The following UCHL3 variants were observed in gnomAD, a reference collection of about 807,000 sequenced individuals.
The protein encoded by UCHL3 is ubiquitin carboxyl-terminal hydrolase isozyme L3.
UCHL3 carries 22 observed loss-of-function variants against 35.8 expected under a neutral mutation model. The ratio of observed to expected loss-of-function variants is 0.61; its 90% CI spans 0.44 to 0.88. The LOEUF (loss-of-function observed/expected upper bound fraction) is 0.88. UCHL3 is among the 40% of genes least tolerant of loss of function. The pLI is 0.00. For synonymous variants in UCHL3, 90 were observed against 92.8 expected (o/e 0.97, Z 0.17); for missense variants, 229 against 276.9 (o/e 0.83, Z 1.23).
At chr13:75,563,610 A>C (rs894584353) in intron 3 of UCHL3, among the ~76,000 whole-genome samples, 6 of 152,212 alleles carry the variant, frequency 3.9e-5, no homozygotes, top group African/African-American at 1.4e-4. Flanking sequence ...TCACATAGTT[A>C]CTTTTTTTGT....
intron 6 of UCHL3, chr13:75,589,798 T>C (rs1172100798): frequency 4.6e-6 from 3 of 645,642 alleles, no homozygotes; most frequent in African/African-American, 3.8e-5. Context: ...TATTCATACA[T>C]GATCCTTTGC....
chr13:75,566,695 T>G lies in UCHL3; in HGVS notation c.184T>G (p.Tyr62Asp). The change falls in exon 4 of 9, where the codon TAT (tyrosine) becomes GAT (aspartate). Residue 62 changes from tyrosine to aspartate, a missense_variant and splice_region_variant. Tyr to Asp is a radical substitution (Grantham distance 160). Transcript: ENST00000377595. The part of the protein sequence containing the change: ...VLLLFPITEK[Y>D]EVFRTEEEEK... Reference sequence around the variant, plus strand: ...ACTGTTGACTTTTTTTTTTTAATAGTATGAAGTATTCAGAACAGAAGAGGA... The same window carrying G: ...ACTGTTGACTTTTTTTTTTTAATAGGATGAAGTATTCAGAACAGAAGAGGA... The G allele has an allele frequency of 3.3e-6, 5 of 1,513,030 alleles. No homozygotes were observed. Among genetic ancestry groups the G allele is most frequent in the Non-Finnish European group, 4.4e-6 (5 of 1,127,286 alleles). 93.7% of individuals were successfully genotyped at this position (1,513,030 alleles called of 1,614,324 possible).
chr13:75,592,419 T>TATATATATATAC (rs1207400047), intron 6 of UCHL3, among the ~76,000 whole-genome samples: 1 of 42,282 alleles, frequency 2.4e-5, no homozygotes, highest in African/African-American at 1.4e-4. Flanking sequence ...TTCCTTCATA[T>TATATATATATAC]ATATATATAT....
intron 8 of UCHL3, 38 bp from the exon 9 acceptor site, chr13:75,605,691 T>A (rs754011321): frequency 6.9e-6 from 11 of 1,591,526 alleles, no homozygotes; most frequent in Middle Eastern, 1.7e-4. Context: ...TAAAACACTT[T>A]TACACTGAAA....
At chr13:75,590,211 G>A (rs139171307) in intron 6 of UCHL3, 1 of 1,201,096 alleles carries the variant, frequency 8.3e-7, no homozygotes, top group African/African-American at 1.6e-5. Context: ...TCGGTCTTCA[G>A]AGTGCTTTTC....
At chr13:75,573,747 A>T (rs189003354) in intron 6 of UCHL3, among the ~76,000 whole-genome samples, 178 of 152,274 alleles carry the variant, frequency 1.2e-3, no homozygotes, top group Non-Finnish European at 1.9e-3. Flanking sequence ...CTTCAATGCC[A>T]AGTTTTCAAA....
intron 6 of UCHL3, among the ~76,000 whole-genome samples, chr13:75,586,942 CTA>C (rs1288701004): frequency 7.2e-6 from 1 of 139,284 alleles, no homozygotes; most frequent in Non-Finnish European, 1.5e-5. Context: ...TAGAGGGAAA[CTA>C]TAGTATTACA....
chr13:75,582,788 T>C (rs2032221723), intron 6 of UCHL3, among the ~76,000 whole-genome samples: 1 of 152,220 alleles, frequency 6.6e-6, no homozygotes, highest in African/African-American at 2.4e-5. Context: ...CAGTTAATAT[T>C]ATAAGGATTT....
chr13:75,569,188 A>T, intron 5 of UCHL3: 1 of 301,496 alleles, frequency 3.3e-6, no homozygotes, highest in Non-Finnish European at 6.0e-6. Flanking sequence ...CAACTGAATA[A>T]GTTAAATGGC....
chr13:75,571,188 G>GA (rs1430385580), intron 6 of UCHL3, among the ~76,000 whole-genome samples: 1 of 152,148 alleles, frequency 6.6e-6, no homozygotes, highest in African/African-American at 2.4e-5. Context: ...AAGATATGAA[G>GA]ACAGTTACTT....
At chr13:75,552,346 CTT>C (rs1280751995) in intron 2 of UCHL3, among the ~76,000 whole-genome samples, 1 of 152,222 alleles carries the variant, frequency 6.6e-6, no homozygotes, top group African/African-American at 2.4e-5. Flanking sequence ...ATCCCACTCT[CTT>C]TTATTTCCTC....
intron 6 of UCHL3, among the ~76,000 whole-genome samples, chr13:75,588,441 A>C (rs1004893596): frequency 1.3e-5 from 2 of 152,034 alleles, no homozygotes; most frequent in African/African-American, 2.4e-5. Flanking sequence ...ACCAGATTGA[A>C]TGTGACAAAT....
At chr13:75,593,873 T>C (rs1428724929) in intron 6 of UCHL3, among the ~76,000 whole-genome samples, 1 of 152,232 alleles carries the variant, frequency 6.6e-6, no homozygotes. Context: ...CTTGAAAATA[T>C]ATACTTACTT....
At chr13:75,577,883 T>C (rs576849991) in intron 6 of UCHL3, among the ~76,000 whole-genome samples, 12 of 151,012 alleles carry the variant, frequency 7.9e-5, no homozygotes, top group Non-Finnish European at 1.5e-4. Flanking sequence ...CCATATTAAT[T>C]GAGGAGCCAG....
intron 4 of UCHL3, 140 bp downstream of exon 4, chr13:75,566,991 C>T (rs972016914): frequency 9.6e-7 from 1 of 1,045,776 alleles, no homozygotes; most frequent in Non-Finnish European, 1.4e-6. Flanking sequence ...AATGTATATA[C>T]TGTTAGAAGA....
At chr13:75,561,863 A>ATACGTACGTATATACG (rs2031525651) in intron 3 of UCHL3, among the ~76,000 whole-genome samples, 1 of 150,462 alleles carries the variant, frequency 6.6e-6, no homozygotes, top group African/African-American at 2.4e-5. Flanking sequence ...ACGTATACAT[A>ATACGTACGTATATACG]TATACATACG....
At chr13:75,602,111 AAAAAAC>A (rs1566232844) in intron 7 of UCHL3, among the ~76,000 whole-genome samples, 2 of 151,856 alleles carry the variant, frequency 1.3e-5, no homozygotes, top group African/African-American at 2.4e-5. Flanking sequence ...TCTGTCTCAA[AAAAAAC>A]AAAAACAAAA....
At chr13:75,554,502 A>G (rs550234928) in intron 2 of UCHL3, among the ~76,000 whole-genome samples, 1 of 152,316 alleles carries the variant, frequency 6.6e-6, no homozygotes, top group South Asian at 2.1e-4. Flanking sequence ...TGCAAAGGCT[A>G]TTCCAAATAC....
At chr13:75,550,510 A>G (rs751298578) in intron 2 of UCHL3, among the ~76,000 whole-genome samples, 1 of 152,044 alleles carries the variant, frequency 6.6e-6, no homozygotes, top group Non-Finnish European at 1.5e-5. Flanking sequence ...CAGTCTTTTA[A>G]AGCTGGACAT....
Sources: allele counts gnomAD v4.1 joint callset (sites outside exome capture counted in the v4.1 genomes callset), GRCh38; gene constraint gnomAD v4.1.1; transcripts MANE v1.5; gene names NCBI Gene and HGNC (gene_info 2026-07-23, HGNC 2026-07-21).